ALG6: variants seen among roughly 807,000 people sequenced by gnomAD.
ALG6 encodes the protein dolichyl pyrophosphate Man9GlcNAc2 alpha-1,3-glucosyltransferase.
ALG6 carries 46 observed loss-of-function variants against 66.6 expected under a neutral mutation model. The observed-to-expected ratio is 0.69, with a 90% CI of 0.55 to 0.88. The LOEUF is 0.88. Ranked by LOEUF, ALG6 falls within the 40% of genes least tolerant of loss-of-function variation. The pLI is 0.00. For synonymous variants in ALG6, 185 were observed against 203.7 expected, an observed-to-expected ratio of 0.91 and a Z score of 0.78; for missense variants, 505 against 586.8, an observed-to-expected ratio of 0.86 and a Z score of 1.44.
intron 2 of ALG6, among the ~76,000 whole-genome samples, chr1:63,388,833 T>C (rs1360948105): frequency 6.6e-6 from 1 of 152,234 alleles, no homozygotes; most frequent in Non-Finnish European, 1.5e-5. Context: ...GTATTTTTGC[T>C]GGATATACTA....
chr1:63,395,954 T>C (rs189862632), intron 2 of ALG6, among the ~76,000 whole-genome samples: 12 of 152,276 alleles, frequency 7.9e-5, no homozygotes, highest in Admixed American at 4.6e-4. Context: ...CCCTAAACAA[T>C]ACAGTATAAC....
At chr1:63,395,438 A>G (rs1198620405) in intron 2 of ALG6, among the ~76,000 whole-genome samples, 2 of 152,168 alleles carry the variant, frequency 1.3e-5, no homozygotes, top group African/African-American at 4.8e-5. Context: ...GCTGACGCCT[A>G]TAATCCCAGC....
intron 2 of ALG6, among the ~76,000 whole-genome samples, chr1:63,375,220 T>C (rs1276293706): frequency 1.3e-5 from 2 of 151,976 alleles, no homozygotes; most frequent in Admixed American, 6.6e-5. Context: ...TGTAGTGTGA[T>C]ATAGGCAAAT....
At chr1:63,384,826 A>G (rs956170871) in intron 2 of ALG6, among the ~76,000 whole-genome samples, 2 of 151,978 alleles carry the variant, frequency 1.3e-5, no homozygotes, top group Admixed American at 1.3e-4. Flanking sequence ...ATTCTGTTCC[A>G]TGGTCTAGGT....
At chr1:63,414,179 A>G in intron 10 of ALG6, 33 bp downstream of exon 10, 2 of 1,410,388 alleles carry the variant, frequency 1.4e-6, no homozygotes, top group South Asian at 1.2e-5. Flanking sequence ...GTAGTATTTT[A>G]TAAGTTACTC....
At chr1:63,430,038 A>T (rs1324764226) in intron 14 of ALG6, among the ~76,000 whole-genome samples, 1 of 152,062 alleles carries the variant, frequency 6.6e-6, no homozygotes, top group Non-Finnish European at 1.5e-5. Flanking sequence ...ATGCGCCACC[A>T]TGCCCAGCTA....
At chr1:63,425,428 T>A (rs1236884592) in intron 12 of ALG6, among the ~76,000 whole-genome samples, 1 of 152,146 alleles carries the variant, frequency 6.6e-6, no homozygotes, top group African/African-American at 2.4e-5. Context: ...AGGGAGTAAA[T>A]GTGATGGTGG....
chr1:63,425,609 G>A (rs1394178877), intron 12 of ALG6, among the ~76,000 whole-genome samples: 1 of 152,100 alleles, frequency 6.6e-6, no homozygotes, highest in Non-Finnish European at 1.5e-5. Flanking sequence ...GTAATTGCAG[G>A]GCACTTGAAT....
intron 14 of ALG6, among the ~76,000 whole-genome samples, chr1:63,435,105 G>A (rs962641739): frequency 5.3e-5 from 8 of 152,208 alleles, no homozygotes; most frequent in Non-Finnish European, 7.3e-5. Context: ...TAGGGTGAAA[G>A]CCCAATTGGT....
At chr1:63,420,010 G>A (rs1644565504) in intron 12 of ALG6, among the ~76,000 whole-genome samples, 1 of 152,054 alleles carries the variant, frequency 6.6e-6, no homozygotes, top group Admixed American at 6.6e-5. Context: ...AGAACCCTTT[G>A]GAATACTGAA....
chr1:63,422,215 ATATT>A (rs1303459125), intron 12 of ALG6, among the ~76,000 whole-genome samples: 2 of 113,418 alleles, frequency 1.8e-5, no homozygotes, highest in African/African-American at 7.2e-5. Context: ...ATATAAATAT[ATATT>A]TATATAAATA....
Position 63,429,027 on chromosome 1 carries a change from A to G in ALG6, c.1227A>G (p.Glu409=), listed in dbSNP as rs1478731078. ...IACVTSFSIF[E]KTSEEELQLK... is the part of the protein sequence containing the mutation. ...GTGTAACTTCCTTTTCAATATTTGA[A>G]AAGACTTCTGAAGAAGAACTGCAGT... The change falls in exon 14 of 15, where the codon GAA becomes GAG. Residue 409 remains glutamate, a synonymous_variant. Coordinates refer to ENST00000263440, the MANE Select transcript of ALG6 (RefSeq NM_013339.4). 2 of 1,610,078 alleles carry G rather than the reference A, an allele frequency of 1.2e-6. No individual in the cohort carries two copies. The highest frequency in any genetic ancestry group is 1.7e-6 in the Non-Finnish European group (2 of 1,178,698).
chr1:63,370,478 G>A (rs1461743735), intron 1 of ALG6, among the ~76,000 whole-genome samples: 1 of 152,118 alleles, frequency 6.6e-6, no homozygotes, highest in African/African-American at 2.4e-5. Context: ...AATTGACTGT[G>A]TCATTATCTA....
intron 7 of ALG6, among the ~76,000 whole-genome samples, chr1:63,410,089 C>A (rs1293240268): frequency 6.6e-6 from 1 of 152,104 alleles, no homozygotes; most frequent in Non-Finnish European, 1.5e-5. Context: ...TAGGGTCTTG[C>A]AGGGTGGATT....
chr1:63,369,339 A>G (rs1647831596), intron 1 of ALG6, among the ~76,000 whole-genome samples: 1 of 152,204 alleles, frequency 6.6e-6, no homozygotes, highest in South Asian at 2.1e-4. Context: ...AAATAAGAAA[A>G]TAATTAGGGC....
intron 2 of ALG6, 38 bp from the exon 3 acceptor site, chr1:63,396,475 G>A: frequency 6.6e-7 from 1 of 1,526,078 alleles, no homozygotes; most frequent in Non-Finnish European, 9.1e-7. Context: ...ATATGCTAAA[G>A]TACATTGTTG....
At chr1:63,430,604 G>A (rs1450748725) in intron 14 of ALG6, among the ~76,000 whole-genome samples, 1 of 152,166 alleles carries the variant, frequency 6.6e-6, no homozygotes, top group Non-Finnish European at 1.5e-5. Context: ...GTGTGAGGTG[G>A]TATTTCATTG....
chr1:63,380,802 A>G (rs1458945341), intron 2 of ALG6, among the ~76,000 whole-genome samples: 1 of 152,188 alleles, frequency 6.6e-6, no homozygotes, highest in Non-Finnish European at 1.5e-5. Context: ...AATTTACTCA[A>G]TTACTTTTCT....
intron 3 of ALG6, among the ~76,000 whole-genome samples, chr1:63,398,804 G>T (rs1644427256): frequency 6.6e-6 from 1 of 152,036 alleles, no homozygotes; most frequent in Non-Finnish European, 1.5e-5. Flanking sequence ...AAAATTGCTT[G>T]TTCATTTCTT....
Sources: allele counts gnomAD v4.1 joint callset (sites outside exome capture counted in the v4.1 genomes callset), GRCh38; gene constraint gnomAD v4.1.1; transcripts MANE v1.5; gene names NCBI Gene and HGNC (gene_info 2026-07-23, HGNC 2026-07-21).